The following FRMD5 variants were observed in gnomAD, a reference collection of about 807,000 sequenced individuals.
FRMD5 encodes the protein FERM domain-containing protein 5.
A neutral mutation model predicts 69.0 loss-of-function variants in FRMD5; 20 were observed. The ratio of observed to expected loss-of-function variants is 0.29; its 90% CI spans 0.20 to 0.42. The LOEUF (loss-of-function observed/expected upper bound fraction) is 0.42, where lower values mean the gene tolerates loss of function less well. Ranked by LOEUF, FRMD5 falls within the 10% of genes least tolerant of loss-of-function variation. The pLI, the probability that FRMD5 is intolerant of heterozygous loss-of-function variation, is 1.00. For missense variants in FRMD5, 595 were observed against 708.6 expected, an observed-to-expected ratio of 0.84 and a Z score of 1.82; for synonymous variants, 271 against 260.1, an observed-to-expected ratio of 1.04 and a Z score of -0.40.
chr15:44,073,127 T>C (rs1231490964), intron 1 of FRMD5, among the ~76,000 whole-genome samples: 1 of 152,148 alleles, frequency 6.6e-6, no homozygotes, highest in Non-Finnish European at 1.5e-5. Context: ...AAAGCAAAAC[T>C]GTCTCTAAAG....
At chr15:43,907,355 G>A (rs2140413036) in intron 5 of FRMD5, among the ~76,000 whole-genome samples, 1 of 152,286 alleles carries the variant, frequency 6.6e-6, no homozygotes, top group African/African-American at 2.4e-5. Flanking sequence ...TCTGAAGTCT[G>A]GGGTGACCTT....
At chr15:43,940,345 G>C (rs766915950) in intron 1 of FRMD5, among the ~76,000 whole-genome samples, 1 of 152,058 alleles carries the variant, frequency 6.6e-6, no homozygotes, top group African/African-American at 2.4e-5. Context: ...CATTCTTCCC[G>C]CCCAGGGAGA....
At chr15:44,112,165 A>T (rs1320745466) in intron 1 of FRMD5, among the ~76,000 whole-genome samples, 1 of 152,088 alleles carries the variant, frequency 6.6e-6, no homozygotes. Context: ...CTTTTCATAT[A>T]AAAATGTCAG....
intron 5 of FRMD5, among the ~76,000 whole-genome samples, chr15:43,908,547 C>A (rs1234020048): frequency 6.6e-6 from 1 of 152,186 alleles, no homozygotes. Context: ...CACAAAGTTG[C>A]TTCCAGGATT....
At chr15:43,878,539 C>T (rs1398166649) in intron 13 of FRMD5, among the ~76,000 whole-genome samples, 1 of 152,184 alleles carries the variant, frequency 6.6e-6, no homozygotes. Flanking sequence ...CCCTGATGTC[C>T]CCATTTGCAC....
chr15:43,952,486 C>T (rs901067267), intron 1 of FRMD5, among the ~76,000 whole-genome samples: 1 of 152,210 alleles, frequency 6.6e-6, no homozygotes, highest in Non-Finnish European at 1.5e-5. Flanking sequence ...AAACCAATAA[C>T]ACCTCAGCAG....
At chr15:43,976,295 C>G (rs1446820741) in intron 1 of FRMD5, among the ~76,000 whole-genome samples, 1 of 152,016 alleles carries the variant, frequency 6.6e-6, no homozygotes, top group African/African-American at 2.4e-5. Flanking sequence ...ATATATTAGT[C>G]TTTATCAAAA....
intron 1 of FRMD5, among the ~76,000 whole-genome samples, chr15:44,035,203 A>C (rs984379648): frequency 6.6e-6 from 1 of 152,166 alleles, no homozygotes; most frequent in African/African-American, 2.4e-5. Flanking sequence ...TTCCATACCC[A>C]AAAAACACTC....
At chr15:44,112,115 T>C (rs1224404895) in intron 1 of FRMD5, among the ~76,000 whole-genome samples, 1 of 152,190 alleles carries the variant, frequency 6.6e-6, no homozygotes, top group African/African-American at 2.4e-5. Context: ...AGTGCTGATA[T>C]TACAGGCGTG....
At chr15:44,050,671 T>G (rs1366105284) in intron 1 of FRMD5, among the ~76,000 whole-genome samples, 2 of 146,104 alleles carry the variant, frequency 1.4e-5, no homozygotes, top group Admixed American at 6.8e-5. Context: ...TTTTTTTTCT[T>G]TTTTCAGACA....
chr15:43,927,529 G>C (rs936918376), intron 1 of FRMD5, among the ~76,000 whole-genome samples: 1 of 152,224 alleles, frequency 6.6e-6, no homozygotes, highest in African/African-American at 2.4e-5. Flanking sequence ...CCAAGAGAGT[G>C]AGAAGAGCTT....
At chr15:44,141,417 T>A (rs1298391941) in intron 1 of FRMD5, among the ~76,000 whole-genome samples, 1 of 152,134 alleles carries the variant, frequency 6.6e-6, no homozygotes, top group African/African-American at 2.4e-5. Flanking sequence ...GTCAAGTACA[T>A]ACACAGAAAT....
chr15:43,996,165 G>A (rs1889913773), intron 1 of FRMD5, among the ~76,000 whole-genome samples: 1 of 151,848 alleles, frequency 6.6e-6, no homozygotes, highest in Non-Finnish European at 1.5e-5. Context: ...GACTAGGTCT[G>A]CAGGGGCTGG....
chr15:44,145,884 TATC>T (rs1174642550), intron 1 of FRMD5, among the ~76,000 whole-genome samples: 1 of 152,192 alleles, frequency 6.6e-6, no homozygotes, highest in African/African-American at 2.4e-5. Flanking sequence ...AAGAAAAACA[TATC>T]ATACTAAGGG....
rs762975351 is a variant in FRMD5, at chr15:43,892,088, T to C, written c.640-19A>G. The C allele has an allele frequency of 1.2e-6, 2 of 1,608,968 alleles. No individual in the cohort carries two copies. Among genetic ancestry groups the C allele is most frequent in the Non-Finnish European group, 1.7e-6 (2 of 1,175,582 alleles). Reference sequence around the variant, plus strand: ...ACACGTCCTGCAACACAGAAAGACTTCTCATCGGGTGATGCAGGCACAGAG... The same window carrying C: ...ACACGTCCTGCAACACAGAAAGACTCCTCATCGGGTGATGCAGGCACAGAG... On this transcript the variant is annotated intron_variant, in intron 7 of 13. Coordinates refer to ENST00000417257, the MANE Select transcript of FRMD5 (RefSeq NM_032892.5).
chr15:44,052,027 C>T (rs977218827), intron 1 of FRMD5, among the ~76,000 whole-genome samples: 2 of 151,676 alleles, frequency 1.3e-5, no homozygotes, highest in African/African-American at 4.8e-5. Context: ...AAGTAAGTCA[C>T]TATGTACAGC....
At chr15:44,002,724 G>A (rs540549099) in intron 1 of FRMD5, among the ~76,000 whole-genome samples, 2 of 152,264 alleles carry the variant, frequency 1.3e-5, no homozygotes, top group African/African-American at 2.4e-5. Context: ...AACCTATTAG[G>A]TCAGGGGTCG....
intron 7 of FRMD5, among the ~76,000 whole-genome samples, chr15:43,900,427 A>G (rs1384622339): frequency 6.6e-6 from 1 of 152,204 alleles, no homozygotes; most frequent in Non-Finnish European, 1.5e-5. Context: ...GGCCCCAAGA[A>G]CACAGGGGTT....
chr15:44,162,125 C>T (rs1471523714), intron 1 of FRMD5, among the ~76,000 whole-genome samples: 1 of 151,972 alleles, frequency 6.6e-6, no homozygotes, highest in Non-Finnish European at 1.5e-5. Context: ...TCACCACACT[C>T]GGCTAATTTT....
Sources: gnomAD v4.1 joint callset for allele counts (sites outside exome capture counted in the v4.1 genomes callset) on GRCh38, gnomAD v4.1.1 for gene constraint, MANE v1.5 for transcripts, NCBI Gene and HGNC (gene_info 2026-07-23, HGNC 2026-07-21) for gene names.